Variants in RANBP2 observed in about 807,000 individuals in gnomAD.
The protein encoded by RANBP2 is E3 SUMO-protein ligase RanBP2.
In RANBP2, 57 loss-of-function variants were observed where a neutral mutation model predicts 303.6. The observed-to-expected ratio is 0.19, with a 90% CI of 0.15 to 0.23. RANBP2 has a LOEUF of 0.23. RANBP2 is among the 10% of genes least tolerant of loss of function. RANBP2 has a pLI of 1.00. For missense variants in RANBP2, 3,138 were observed against 3,780.8 expected (o/e 0.83, Z 4.46); for synonymous variants, 1,167 against 1,301.5 (o/e 0.90, Z 2.23).
At chr2:109,071,856 C>G in the RANBP2 span, among the ~76,000 whole-genome samples, 1 of 152,004 alleles carries the variant, frequency 6.6e-6, no homozygotes, top group African/African-American at 2.4e-5. Context: ...AGAGCAAACA[C>G]AGGAACATGC....
At chr2:108,786,785 C>A, downstream of RANBP2, 1 of 1,541,690 alleles carries the variant, frequency 6.5e-7, no homozygotes, top group Middle Eastern at 1.7e-4. Flanking sequence ...GTTTGATGAA[C>A]GCGGTTCCCG....
intron 1 of RANBP2, among the ~76,000 whole-genome samples, chr2:108,721,328 T>C (rs1343180146): frequency 6.6e-6 from 1 of 152,218 alleles, no homozygotes; most frequent in African/African-American, 2.4e-5. Flanking sequence ...TATCTACTTG[T>C]ACATTGTAAT....
chr2:109,170,240 T>TC, the RANBP2 span, among the ~76,000 whole-genome samples: 7 of 6,912 alleles, frequency 1.0e-3, no homozygotes, highest in African/African-American at 2.7e-3. Context: ...TTCTCTTCTT[T>TC]TCTTTTCTCT....
the RANBP2 span, among the ~76,000 whole-genome samples, chr2:109,315,719 G>A: frequency 6.6e-6 from 1 of 152,212 alleles, no homozygotes; most frequent in Non-Finnish European, 1.5e-5. Context: ...GGGTTCCTCT[G>A]GGGCTCTTTC....
chr2:109,267,020 C>T, the RANBP2 span, among the ~76,000 whole-genome samples: 2 of 152,088 alleles, frequency 1.3e-5, no homozygotes, highest in Admixed American at 6.5e-5. Context: ...AACAATAATA[C>T]CTGCAGACAG....
the RANBP2 span, among the ~76,000 whole-genome samples, chr2:109,760,712 T>G: frequency 6.9e-6 from 1 of 145,180 alleles, no homozygotes; most frequent in Non-Finnish European, 1.5e-5. Context: ...CGCTGACACC[T>G]CCCACCATGG....
At chr2:109,355,919 G>C in the RANBP2 span, among the ~76,000 whole-genome samples, 1 of 152,188 alleles carries the variant, frequency 6.6e-6, no homozygotes, top group African/African-American at 2.4e-5. Flanking sequence ...GGACAAATCA[G>C]AGTCCTGTTG....
At chr2:108,761,938 ATAATCT>A (rs1285317519) in intron 18 of RANBP2, among the ~76,000 whole-genome samples, 157 bp from the exon 19 acceptor site, 3 of 152,088 alleles carry the variant, frequency 2.0e-5, no homozygotes, top group Non-Finnish European at 2.9e-5. Flanking sequence ...TTGTCATTTG[ATAATCT>A]TGATTGGTGT....
At chr2:109,509,156 C>T in the RANBP2 span, among the ~76,000 whole-genome samples, 1 of 152,214 alleles carries the variant, frequency 6.6e-6, no homozygotes, top group East Asian at 1.9e-4. Flanking sequence ...GCTACTTCTG[C>T]TCTGGGCCCA....
chr2:109,750,731 T>TA, the RANBP2 span, among the ~76,000 whole-genome samples: 11 of 34,878 alleles, frequency 3.2e-4, no homozygotes, highest in Admixed American at 2.9e-3. Context: ...TAATAATAAT[T>TA]TTTTTTTTTC....
chr2:108,895,682 CACTA>C, the RANBP2 span: 12 of 152,336 alleles, frequency 7.9e-5, no homozygotes, highest in South Asian at 8.3e-4. Context: ...ATTATAGAAT[CACTA>C]ACTAACATCT....
At chr2:109,033,602 C>T in the RANBP2 span, among the ~76,000 whole-genome samples, 2 of 152,260 alleles carry the variant, frequency 1.3e-5, no homozygotes, top group South Asian at 4.1e-4. Context: ...GAAGCAGTCA[C>T]AATGTAGGGT....
At chr2:109,459,124 A>C in the RANBP2 span, among the ~76,000 whole-genome samples, 292 of 152,248 alleles carry the variant, frequency 1.9e-3, 4 homozygotes, top group South Asian at 0.013. Flanking sequence ...TCTTCTTGAT[A>C]TCTTGTAACT....
At chr2:108,965,848 C>T in the RANBP2 span, among the ~76,000 whole-genome samples, 2 of 152,026 alleles carry the variant, frequency 1.3e-5, no homozygotes, top group African/African-American at 4.8e-5. Flanking sequence ...GCATCATGTA[C>T]TCTCCCTCCA....
chr2:109,191,605 C>T, the RANBP2 span, among the ~76,000 whole-genome samples: 39 of 152,184 alleles, frequency 2.6e-4, no homozygotes, highest in African/African-American at 9.2e-4. Context: ...CCCACCCTTT[C>T]ACATGAAGAA....
chr2:108,934,018 A>G, the RANBP2 span, among the ~76,000 whole-genome samples: 1 of 152,140 alleles, frequency 6.6e-6, no homozygotes, highest in South Asian at 2.1e-4. Context: ...TTGACTTCTA[A>G]TTATAGCTGA....
the RANBP2 span, among the ~76,000 whole-genome samples, chr2:108,961,253 G>A: frequency 4.7e-4 from 71 of 151,828 alleles, no homozygotes; most frequent in Non-Finnish European, 9.7e-4. Context: ...TCAGGAAAGG[G>A]AACAGTTGCC....
chr2:109,616,233 T>G, the RANBP2 span: 1 of 1,124,654 alleles, frequency 8.9e-7, no homozygotes. Context: ...CTGGGAAAAG[T>G]GGATGTCTTT....
the RANBP2 span, among the ~76,000 whole-genome samples, chr2:109,583,869 A>C: frequency 6.6e-6 from 1 of 152,328 alleles, no homozygotes; most frequent in East Asian, 1.9e-4. Context: ...CGTTATCCTA[A>C]GCAAATTAAC....
Sources: gnomAD v4.1 joint callset for allele counts (sites outside exome capture counted in the v4.1 genomes callset) on GRCh38, gnomAD v4.1.1 for gene constraint, MANE v1.5 for transcripts, NCBI Gene and HGNC (gene_info 2026-07-23, HGNC 2026-07-21) for gene names.